MTRF1: variants seen among roughly 807,000 people sequenced by gnomAD.
MTRF1 encodes the protein mitochondrial translation release factor 1, also known as peptide chain release factor 1, mitochondrial.
In MTRF1, 51 loss-of-function variants were observed where a neutral mutation model predicts 62.9. The observed-to-expected ratio is 0.81, with a 90% CI of 0.65 to 1.02. MTRF1 has a LOEUF of 1.02. MTRF1 is among the 50% of genes least tolerant of loss of function. The pLI is 0.00. For synonymous variants in MTRF1, 158 were observed against 181.9 expected, an observed-to-expected ratio of 0.87 and a Z score of 1.06; for missense variants, 446 against 530.0, an observed-to-expected ratio of 0.84 and a Z score of 1.56.
rs1024146101 is a variant in MTRF1 at position 41,216,963 on chromosome 13, G to A, written c.*152C>T. 5.3e-5 allele frequency: 24 copies of A among 456,534 alleles called. No individual in the cohort carries two copies. The highest frequency in any genetic ancestry group is 8.9e-5 in the Non-Finnish European group (23 of 259,132). 28.3% of individuals were successfully genotyped at this position (456,534 alleles called of 1,614,324 possible). On this transcript the variant is annotated 3_prime_UTR_variant, in exon 10 of 10. Transcript: ENST00000379480. Reference sequence around the variant, plus strand: ...AAAATAAATTCTTAGGTCAGGAAATGTGACTTCGATTAATTACAAAACATA... The same window carrying A: ...AAAATAAATTCTTAGGTCAGGAAATATGACTTCGATTAATTACAAAACATA...
chr13:41,309,341 AGTGTGTGTGTGTGTGT>A, the MTRF1 span, among the ~76,000 whole-genome samples: 53 of 135,662 alleles, frequency 3.9e-4, no homozygotes, highest in South Asian at 4.1e-3. Context: ...ATGCCCAGCT[AGTGTGTGTGTGTGTGT>A]GTGTGTGTGT....
chr13:41,279,173 A>G, the MTRF1 span, among the ~76,000 whole-genome samples: 3 of 152,086 alleles, frequency 2.0e-5, no homozygotes, highest in Admixed American at 6.5e-5. Flanking sequence ...TATTTTTAGT[A>G]GAGATGGGGT....
chr13:41,254,749 C>A, intron 2 of MTRF1, 129 bp from the exon 3 acceptor site: 1 of 563,704 alleles, frequency 1.8e-6, no homozygotes. Flanking sequence ...TACAAAGGAA[C>A]ATTTAGAATA....
At chr13:41,269,185 G>GTTTTTTTTTTTTTTTTGTTTTTTTTTT in the MTRF1 span, among the ~76,000 whole-genome samples, 1 of 96,464 alleles carries the variant, frequency 1.0e-5, no homozygotes, top group Non-Finnish European at 1.9e-5. Flanking sequence ...CTTTTACCTT[G>GTTTTTTTTTTTTTTTTGTTTTTTTTTT]TTTTTTTTTT....
the MTRF1 span, among the ~76,000 whole-genome samples, chr13:41,297,022 T>G: frequency 4.6e-5 from 7 of 152,270 alleles, no homozygotes; most frequent in East Asian, 1.3e-3. Flanking sequence ...CAAGTACTCT[T>G]AAACACTGAT....
intron 2 of MTRF1, among the ~76,000 whole-genome samples, chr13:41,256,603 C>T (rs1306927521): frequency 6.6e-6 from 1 of 152,138 alleles, no homozygotes; most frequent in Non-Finnish European, 1.5e-5. Context: ...GGATTACAGG[C>T]ATGAGCCACC....
chr13:41,256,048 G>C (rs949866827), intron 2 of MTRF1, among the ~76,000 whole-genome samples: 9 of 152,216 alleles, frequency 5.9e-5, no homozygotes, highest in African/African-American at 2.2e-4. Flanking sequence ...TTAAGCTCTG[G>C]TGGGATTCTG....
intron 7 of MTRF1, among the ~76,000 whole-genome samples, chr13:41,228,773 A>G (rs1043903292): frequency 6.6e-6 from 1 of 152,258 alleles, no homozygotes; most frequent in African/African-American, 2.4e-5. Context: ...CCAATGGTGG[A>G]AAATGAAATT....
At chr13:41,283,959 C>A in the MTRF1 span, among the ~76,000 whole-genome samples, 132 of 152,210 alleles carry the variant, frequency 8.7e-4, no homozygotes, top group Middle Eastern at 3.4e-3. Context: ...TGTTTTACAG[C>A]ACTAGGTGGG....
At chr13:41,280,011 C>T in the MTRF1 span, among the ~76,000 whole-genome samples, 2 of 152,148 alleles carry the variant, frequency 1.3e-5, no homozygotes, top group Non-Finnish European at 2.9e-5. Context: ...GATCTCAGCT[C>T]ACCACAACCT....
At chr13:41,283,648 G>A in the MTRF1 span, among the ~76,000 whole-genome samples, 2 of 129,568 alleles carry the variant, frequency 1.5e-5, no homozygotes, top group Non-Finnish European at 3.1e-5. Flanking sequence ...GGAGTGCAGT[G>A]GCGCGATCTC....
chr13:41,241,515 T>A (rs2037496465), intron 5 of MTRF1, among the ~76,000 whole-genome samples: 1 of 152,180 alleles, frequency 6.6e-6, no homozygotes, highest in South Asian at 2.1e-4. Context: ...CCAGACATAA[T>A]CCTCTCTCTT....
intron 6 of MTRF1, among the ~76,000 whole-genome samples, chr13:41,239,386 G>A (rs2037168179): frequency 1.3e-5 from 2 of 152,140 alleles, no homozygotes; most frequent in South Asian, 2.1e-4. Context: ...AGAGATCTAT[G>A]TGAAAGATTT....
At chr13:41,262,893 T>C (rs1400358488) in intron 1 of MTRF1, among the ~76,000 whole-genome samples, 1 of 152,254 alleles carries the variant, frequency 6.6e-6, no homozygotes, top group Non-Finnish European at 1.5e-5. Flanking sequence ...ATTTGTTCAC[T>C]ATAAGTCTGT....
At chr13:41,271,092 C>CACACACACA in the MTRF1 span, among the ~76,000 whole-genome samples, 3 of 133,746 alleles carry the variant, frequency 2.2e-5, no homozygotes, top group African/African-American at 1.0e-4. Context: ...CACACACACA[C>CACACACACA]CCCATATAGC....
chr13:41,246,532 A>G (rs1281001679), intron 5 of MTRF1, among the ~76,000 whole-genome samples: 1 of 152,200 alleles, frequency 6.6e-6, no homozygotes, highest in Non-Finnish European at 1.5e-5. Context: ...CTGTCTCTTA[A>G]TAAGTCCAAC....
At chr13:41,270,531 G>A in the MTRF1 span, among the ~76,000 whole-genome samples, 1 of 152,022 alleles carries the variant, frequency 6.6e-6, no homozygotes, top group African/African-American at 2.4e-5. Flanking sequence ...TTGATAACCT[G>A]TCTCACTACC....
At chr13:41,285,755 A>G in the MTRF1 span, among the ~76,000 whole-genome samples, 1 of 152,066 alleles carries the variant, frequency 6.6e-6, no homozygotes, top group Non-Finnish European at 1.5e-5. Context: ...TTTTGATTGC[A>G]TGAAGTTGAG....
chr13:41,256,668 T>C (rs1041442750), intron 2 of MTRF1, among the ~76,000 whole-genome samples: 1 of 152,120 alleles, frequency 6.6e-6, no homozygotes, highest in Non-Finnish European at 1.5e-5. Context: ...ATTGTGCACA[T>C]ATGCCACAAA....
Sources: gnomAD v4.1 joint callset for allele counts (sites outside exome capture counted in the v4.1 genomes callset) on GRCh38, gnomAD v4.1.1 for gene constraint, MANE v1.5 for transcripts, NCBI Gene and HGNC (gene_info 2026-07-23, HGNC 2026-07-21) for gene names.